LRRC69: variants seen among roughly 807,000 people sequenced by gnomAD.
The protein encoded by LRRC69 is leucine rich repeat containing 69.
LRRC69 carries 42 observed loss-of-function variants against 37.8 expected under a neutral mutation model. That is an observed-to-expected ratio of 1.11 (90% CI 0.87 to 1.44). LRRC69 has a LOEUF of 1.44. Among genes scored for constraint, LRRC69 ranks in the 40% most tolerant of loss-of-function variants. LRRC69 has a pLI of 0.00. For synonymous variants in LRRC69, 141 were observed against 143.1 expected (o/e 0.99, Z 0.11); for missense variants, 357 against 401.9 (o/e 0.89, Z 0.96).
intron 5 of LRRC69, among the ~76,000 whole-genome samples, chr8:91,170,050 G>A (rs545980356): frequency 4.4e-5 from 5 of 114,850 alleles, no homozygotes; most frequent in South Asian, 6.7e-4. Context: ...GTAATGGGAT[G>A]GCTGGGTCAA....
chr8:91,150,820 G>A (rs1049101871), intron 5 of LRRC69, among the ~76,000 whole-genome samples: 5 of 151,930 alleles, frequency 3.3e-5, no homozygotes, highest in African/African-American at 1.2e-4. Flanking sequence ...TTGGGAGAGT[G>A]TATGTGTCGA....
chr8:91,123,796 G>A (rs1813671052), intron 1 of LRRC69, among the ~76,000 whole-genome samples: 1 of 151,956 alleles, frequency 6.6e-6, no homozygotes. Flanking sequence ...GGAACAATCT[G>A]TATCACTTAT....
intron 6 of LRRC69, among the ~76,000 whole-genome samples, chr8:91,199,840 T>C (rs1348179812): frequency 3.3e-5 from 5 of 152,232 alleles, no homozygotes; most frequent in African/African-American, 9.6e-5. Flanking sequence ...CATTATGTAA[T>C]ATATTTTTAT....
intron 5 of LRRC69, among the ~76,000 whole-genome samples, chr8:91,186,139 C>T (rs892149545): frequency 1.2e-4 from 19 of 152,140 alleles, no homozygotes; most frequent in African/African-American, 4.1e-4. Context: ...ATGTGTCTGG[C>T]GTTTCTGAGA....
At chr8:91,186,350 C>A (rs1283592196) in intron 5 of LRRC69, among the ~76,000 whole-genome samples, 2 of 151,978 alleles carry the variant, frequency 1.3e-5, no homozygotes, top group African/African-American at 4.8e-5. Context: ...AATGAGGAGA[C>A]AAGGAAACAT....
At chr8:91,192,584 C>G (rs1358765313) in intron 6 of LRRC69, among the ~76,000 whole-genome samples, 1 of 151,850 alleles carries the variant, frequency 6.6e-6, no homozygotes, top group East Asian at 1.9e-4. Flanking sequence ...ATTTGCATTT[C>G]TCTGATGGCC....
intron 5 of LRRC69, among the ~76,000 whole-genome samples, chr8:91,176,134 A>ATATATTTTTTTTTTTTTTTTTTTTT: frequency 1.3e-5 from 1 of 75,710 alleles, no homozygotes; most frequent in Non-Finnish European, 2.4e-5. Context: ...ATATATATAT[A>ATATATTTTTTTTTTTTTTTTTTTTT]TTTTTTTTTT....
In LRRC69 at chr8:91,131,098, T is replaced by C. The variant is rs78729986; in HGVS notation, c.384-2012T>C. ...CTGTCATTTCTCCAATACCATATGA[T>C]CTTGATTATCTTGATTGCTGTAGCT... is the stretch of plus-strand genomic sequence containing the variant. On this transcript the variant is annotated intron_variant, in intron 3 of 7. Transcript: ENST00000448384. 9.9e-3 allele frequency among the ~76,000 whole-genome samples: 1,499 copies of C among 152,142 alleles called. 29 individuals are homozygous for C. The highest frequency in any genetic ancestry group is 0.034 in the African/African-American group (1,418 of 41,570).
intron 7 of LRRC69, among the ~76,000 whole-genome samples, chr8:91,216,770 G>A (rs1810055382): frequency 6.6e-6 from 1 of 152,088 alleles, no homozygotes; most frequent in African/African-American, 2.4e-5. Flanking sequence ...AATATTATAT[G>A]TGTCTGTCAT....
intron 5 of LRRC69, among the ~76,000 whole-genome samples, chr8:91,160,153 A>G (rs1243604598): frequency 7.1e-6 from 1 of 140,768 alleles, no homozygotes; most frequent in Non-Finnish European, 1.6e-5. Flanking sequence ...TAGCTACTGT[A>G]AATGGGATAA....
chr8:91,143,058 T>A (rs1808558246), intron 5 of LRRC69, among the ~76,000 whole-genome samples: 2 of 152,112 alleles, frequency 1.3e-5, no homozygotes, highest in African/African-American at 4.8e-5. Flanking sequence ...TTTAATTCGG[T>A]TAGCCTTACT....
At chr8:91,160,041 T>C (rs1015803072) in intron 5 of LRRC69, among the ~76,000 whole-genome samples, 5 of 151,326 alleles carry the variant, frequency 3.3e-5, no homozygotes, top group Non-Finnish European at 5.9e-5. Context: ...TCCATTTTTG[T>C]GTTTGCCCTC....
chr8:91,206,259 A>T (rs1003963816), intron 7 of LRRC69, among the ~76,000 whole-genome samples: 2 of 152,218 alleles, frequency 1.3e-5, no homozygotes, highest in African/African-American at 4.8e-5. Flanking sequence ...GGCTAATGTT[A>T]AAATTTTTAA....
chr8:91,169,305 A>T (rs1288838434), intron 5 of LRRC69, among the ~76,000 whole-genome samples: 1 of 151,908 alleles, frequency 6.6e-6, no homozygotes, highest in Non-Finnish European at 1.5e-5. Context: ...ATCAAGTACT[A>T]TGATTATTAC....
At chr8:91,182,825 A>G (rs1809345642) in intron 5 of LRRC69, among the ~76,000 whole-genome samples, 1 of 152,198 alleles carries the variant, frequency 6.6e-6, no homozygotes, top group African/African-American at 2.4e-5. Flanking sequence ...AACAGTTATT[A>G]CCAAATAATT....
At chr8:91,200,082 A>C (rs1322377823) in intron 6 of LRRC69, among the ~76,000 whole-genome samples, 2 of 152,192 alleles carry the variant, frequency 1.3e-5, no homozygotes, top group African/African-American at 2.4e-5. Context: ...AAATTTCAAT[A>C]TGCGTATAGA....
At chr8:91,109,078 C>T (rs1194402553) in intron 1 of LRRC69, among the ~76,000 whole-genome samples, 1 of 152,034 alleles carries the variant, frequency 6.6e-6, no homozygotes, top group Non-Finnish European at 1.5e-5. Flanking sequence ...TTTCCTAAGC[C>T]TGGCTATCAA....
At chr8:91,157,964 A>G (rs1586254213) in intron 5 of LRRC69, 3 of 1,410,106 alleles carry the variant, frequency 2.1e-6, no homozygotes, top group East Asian at 2.3e-5. Flanking sequence ...TCCAGTGGAG[A>G]GAAAAGCTGA....
At chr8:91,113,713 A>G (rs374609890) in intron 1 of LRRC69, among the ~76,000 whole-genome samples, 3 of 151,864 alleles carry the variant, frequency 2.0e-5, no homozygotes, top group African/African-American at 7.2e-5. Flanking sequence ...GGACAAATGG[A>G]TAATTTAAAA....
Sources: allele counts gnomAD v4.1 joint callset (sites outside exome capture counted in the v4.1 genomes callset), GRCh38; gene constraint gnomAD v4.1.1; transcripts MANE v1.5; gene names NCBI Gene and HGNC (gene_info 2026-07-23, HGNC 2026-07-21).